MAP7D1: variants seen among roughly 807,000 people sequenced by gnomAD.
MAP7D1 encodes the protein MAP7 domain containing 1, also known as MAP7 domain-containing protein 1.
MAP7D1 carries 30 observed loss-of-function variants against 97.5 expected under a neutral mutation model. That is an observed-to-expected ratio of 0.31 (90% confidence interval 0.23 to 0.42). MAP7D1 has a LOEUF of 0.42. Ranked by LOEUF, MAP7D1 falls within the 10% of genes least tolerant of loss-of-function variation. MAP7D1 has a pLI of 1.00. For missense variants in MAP7D1, 1,184 were observed against 1,179.5 expected, an observed-to-expected ratio of 1.00 and a Z score of -0.06; for synonymous variants, 536 against 477.1, an observed-to-expected ratio of 1.12 and a Z score of -1.61.
At chr1:36,156,684 G>A (rs1195562027) in intron 1 of MAP7D1, among the ~76,000 whole-genome samples, 1 of 151,456 alleles carries the variant, frequency 6.6e-6, no homozygotes, top group Non-Finnish European at 1.5e-5. Context: ...CGCATCGGGC[G>A]TCGGGAGCCG....
chr1:36,171,429 G>C lies in MAP7D1; in HGVS notation c.392-84G>C. ...CTAGAGGAGATAAAGAAAGGATGGGGTGAGGCCCGGAGGGAGGGATCTGAG... is the reference window on the plus strand; with the variant it reads ...CTAGAGGAGATAAAGAAAGGATGGGCTGAGGCCCGGAGGGAGGGATCTGAG... On this transcript the variant is annotated intron_variant, in intron 2 of 16. Transcript: ENST00000474796. The C allele has an allele frequency of 7.0e-6, 11 of 1,563,474 alleles. No individual in the cohort carries two copies. The South Asian group carries it at 1.2e-4, about 18-fold the overall frequency.
At position 36,173,460 on chromosome 1, in the gene MAP7D1, T is replaced by C. The variant is rs764862002; in HGVS notation, c.721T>C (p.Ser241Pro). The change falls in exon 5 of 17, where the codon TCT (serine) becomes CCT (proline). Residue 241 changes from serine to proline, a missense_variant. By Grantham distance (74) the Ser-to-Pro change is moderately conservative (BLOSUM62 -1). Transcript: ENST00000474796. ...WSWAGALHHS[S>P]PGHKTSGSRC... ...CTGGGCAGGGGCCCTGCACCACAGCTCTCCAGGACATAAGACCAGTGAGTA... is the reference window on the plus strand; with the variant it reads ...CTGGGCAGGGGCCCTGCACCACAGCCCTCCAGGACATAAGACCAGTGAGTA... 9.3e-6 allele frequency: 15 copies of C among 1,612,490 alleles called. No individual in the cohort carries two copies. In the South Asian group the frequency reaches 1.4e-4, roughly 15 times the overall value.
At position 36,179,543 on chromosome 1, in the gene MAP7D1, A is replaced by G. The variant is rs147764615; in HGVS notation, c.2213A>G (p.Asn738Ser). ...CAGGACAGCAAGGAGGCCAACGCCAACGGTTCCAGCCCAGGTAAAGCCCCC... is the reference window on the plus strand; with the variant it reads ...CAGGACAGCAAGGAGGCCAACGCCAGCGGTTCCAGCCCAGGTAAAGCCCCC... ...KKQDSKEANA[N>S]GSSPEPVKAV... The change falls in exon 14 of 17, where the codon AAC becomes AGC. Residue 738 changes from asparagine (N) to serine (S), a missense_variant. Asn to Ser is a conservative substitution (Grantham distance 46). Transcript: ENST00000474796. The G allele has an allele frequency of 6.5e-5, 103 of 1,573,420 alleles. No individual in the cohort carries two copies. In the African/African-American group the frequency reaches 1.2e-3, roughly 18 times the overall value.
intron 1 of MAP7D1, among the ~76,000 whole-genome samples, chr1:36,169,759 G>C (rs1289477961): frequency 1.3e-5 from 2 of 152,098 alleles, no homozygotes; most frequent in Admixed American, 1.3e-4. Flanking sequence ...AGTGCTGTTT[G>C]CTGGCTGGCA....
At chr1:36,174,868 G>GCCCTAATGCCGC (rs761227334) in intron 5 of MAP7D1, 30 bp from the exon 6 acceptor site, 2 of 1,436,404 alleles carry the variant, frequency 1.4e-6, no homozygotes, top group Non-Finnish European at 2.0e-6. Context: ...GCCGGGCCCG[G>GCCCTAATGCCGC]CCCTAATGCC....
At position 36,170,260 on chromosome 1, in the gene MAP7D1, T is replaced by C. The variant is rs1644522864; in HGVS notation, c.47-711T>C. Among the ~76,000 whole-genome samples the C allele has an allele frequency of 2.0e-5, 3 of 152,320 alleles. No homozygotes were observed. In the South Asian group the frequency reaches 6.2e-4, roughly 32 times the overall value. ...GTCTTTTACAGGATTCCTACAATAGTCATGTCTTAAAAGCAGAAATTTCGG... is the reference window on the plus strand; with the variant it reads ...GTCTTTTACAGGATTCCTACAATAGCCATGTCTTAAAAGCAGAAATTTCGG... On this transcript the variant is annotated intron_variant, in intron 1 of 16. Coordinates refer to ENST00000474796, the MANE Select transcript of MAP7D1 (RefSeq NM_001388490.1).
chr1:36,171,388 A>C, intron 2 of MAP7D1, 73 bp downstream of exon 2: 1 of 1,539,776 alleles, frequency 6.5e-7, no homozygotes, highest in Non-Finnish European at 8.8e-7. Context: ...TGCCAACTGA[A>C]AGAGTCCTGT....
chr1:36,177,766 G>C (rs1644648987), intron 8 of MAP7D1, 107 bp from the exon 9 acceptor site: 1 of 1,453,660 alleles, frequency 6.9e-7, no homozygotes. Flanking sequence ...GGCGGGGGGC[G>C]GCGCTGATGT....
chr1:36,177,862 T>C lies in MAP7D1; in HGVS notation c.1380-11T>C. ...TGTCTCCTAACCCTTCCCTTTTCCC[T>C]TTTCTCTTAGCCCCAAATCCAAGGC... On this transcript the variant is annotated splice_polypyrimidine_tract_variant and intron_variant, in intron 8 of 16. Coordinates refer to ENST00000474796, the MANE Select transcript of MAP7D1 (RefSeq NM_001388490.1). The C allele has an allele frequency of 6.6e-7, 1 of 1,525,384 alleles. No individual in the cohort carries two copies. The highest frequency in any genetic ancestry group is 2.2e-5 in the Admixed American group (1 of 45,526). The allele number at this position is 1,525,384 out of a possible 1,614,324, so 94.5% of individuals were successfully genotyped here. A position where few individuals can be genotyped will look rare whatever the true frequency, so the allele number is the denominator to read the frequency against.
At chr1:36,173,332 C>T (rs770514053) in intron 4 of MAP7D1, 32 bp from the exon 5 acceptor site, 14 of 1,539,152 alleles carry the variant, frequency 9.1e-6, no homozygotes, top group South Asian at 6.8e-5. Flanking sequence ...GTTCTGAGTC[C>T]ACATCTCTCT....
In MAP7D1 at chr1:36,172,604, C is replaced by A; in HGVS notation, c.601C>A (p.Arg201=). 6.4e-7 allele frequency: 1 copy of A among 1,570,552 alleles called. No individual in the cohort carries two copies. The highest frequency in any genetic ancestry group is 8.7e-7 in the Non-Finnish European group (1 of 1,147,568). Residue 201 remains arginine (R), a synonymous_variant, in exon 4 of 17, where the codon CGG becomes AGG. Transcript: ENST00000474796. Reference sequence around the variant, plus strand: ...CCGTGCAGCCCTGGAGGAACGGCAGCGGCAGAAGCTCGAGAAAAACAAGGT... The same window carrying A: ...CCGTGCAGCCCTGGAGGAACGGCAGAGGCAGAAGCTCGAGAAAAACAAGGT... ...QRRAALEERQ[R]QKLEKNKERY...
At chr1:36,167,892 C>G (rs1380849345) in intron 1 of MAP7D1, among the ~76,000 whole-genome samples, 1 of 152,194 alleles carries the variant, frequency 6.6e-6, no homozygotes, top group Non-Finnish European at 1.5e-5. Context: ...CCTTGCAACA[C>G]CTGCAGCACG....
intron 3 of MAP7D1, 30 bp downstream of exon 3, chr1:36,171,611 T>G (rs1386356309): frequency 6.2e-7 from 1 of 1,610,890 alleles, no homozygotes; most frequent in African/African-American, 1.3e-5. Flanking sequence ...CATCATCTTC[T>G]TCATCGTCAT....
intron 1 of MAP7D1, among the ~76,000 whole-genome samples, chr1:36,163,575 A>G (rs935179166): frequency 1.3e-5 from 2 of 152,154 alleles, no homozygotes; most frequent in African/African-American, 4.8e-5. Context: ...TGAAGAAAAT[A>G]TTTGTATTCA....
chr1:36,179,320 G>A lies in MAP7D1; in HGVS notation c.2184+5G>A, dbSNP rs1644681561. ...TCAGAAGTTTCTGAAACCAAGGTCA[G>A]AATTCCCCCGAAGGGCAGTGCTGGG... is the stretch of plus-strand genomic sequence containing the variant. On this transcript the variant is annotated splice_donor_5th_base_variant and intron_variant, in intron 13 of 16. Transcript: ENST00000474796. 2 of 1,614,030 alleles carry A rather than the reference G, an allele frequency of 1.2e-6. No homozygotes were observed. Among genetic ancestry groups the A allele is most frequent in the East Asian group, 4.5e-5 (2 of 44,864 alleles).
At chr1:36,178,354 C>A (rs1194129770) in intron 9 of MAP7D1, 65 bp from the exon 10 acceptor site, 1 of 1,532,310 alleles carries the variant, frequency 6.5e-7, no homozygotes, top group Non-Finnish European at 8.8e-7. Context: ...AGAACACAGG[C>A]CGCTGGGAGA....
intron 3 of MAP7D1, chr1:36,171,934 C>CAA (rs10631607): frequency 0.54 from 33,927 of 63,164 alleles, 8,158 homozygotes; most frequent in East Asian, 0.63. Flanking sequence ...AACTCCGTCT[C>CAA]AAAAAAAAAA....
At chr1:36,172,665 G>GCT in intron 4 of MAP7D1, 38 bp downstream of exon 4, 3 of 1,503,586 alleles carry the variant, frequency 2.0e-6, no homozygotes, top group Middle Eastern at 3.6e-4. Context: ...GTACACGTGT[G>GCT]CTCACCGTCT....
chr1:36,168,957 T>C (rs1460105625), intron 1 of MAP7D1, among the ~76,000 whole-genome samples: 1 of 152,048 alleles, frequency 6.6e-6, no homozygotes, highest in African/African-American at 2.4e-5. Flanking sequence ...GGATTAAAAC[T>C]AATAACATAT....
Sources: allele counts gnomAD v4.1 joint callset (sites outside exome capture counted in the v4.1 genomes callset), GRCh38; gene constraint gnomAD v4.1.1; transcripts MANE v1.5; gene names NCBI Gene and HGNC (gene_info 2026-07-23, HGNC 2026-07-21).